Variants in PM20D2 observed in about 807,000 individuals in gnomAD.
PM20D2 encodes xaa-Arg dipeptidase.
Under a neutral mutation model 42.9 loss-of-function variants are expected in PM20D2, and 33 were observed. The observed-to-expected ratio is 0.77, with a 90% CI of 0.58 to 1.03. PM20D2 has a LOEUF of 1.03. PM20D2 is among the 50% of genes least tolerant of loss of function. PM20D2 has a pLI of 0.00. For synonymous variants in PM20D2, 250 were observed against 228.2 expected, an observed-to-expected ratio of 1.10 and a Z score of -0.86; for missense variants, 548 against 557.0, an observed-to-expected ratio of 0.98 and a Z score of 0.16.
rs1442563147 is a variant in PM20D2 at position 89,162,145 on chromosome 6, C to A, written c.1193C>A (p.Ala398Asp). The A allele has an allele frequency of 1.2e-6, 2 of 1,614,090 alleles. No homozygotes were observed. The highest frequency in any genetic ancestry group is 2.2e-5 in the South Asian group (2 of 91,076). The change falls in exon 7 of 7, where the codon GCC becomes GAC. Residue 398 changes from alanine to aspartate, a missense_variant. Ala to Asp is a moderately radical substitution (Grantham distance 126). Around this residue, in one of 3 missense-constraint regions of PM20D2, gnomAD observed 71 missense variants for 69.7 expected, o/e 1.02. Coordinates refer to ENST00000275072, the MANE Select transcript of PM20D2 (RefSeq NM_001010853.3). Reference sequence around the variant, plus strand: ...GCTCAGTTCTACACTCTGCGGACGGCCAAAGCTCTGGCAATGACGGCACTG... The same window carrying A: ...GCTCAGTTCTACACTCTGCGGACGGACAAAGCTCTGGCAATGACGGCACTG... ...QEAQFYTLRT[A>D]KALAMTALDV...
At chr6:89,149,466 A>T in intron 2 of PM20D2, 53 bp downstream of exon 2, 1 of 1,574,856 alleles carries the variant, frequency 6.3e-7, no homozygotes. Flanking sequence ...GCTATAGAAT[A>T]CTTTTATGTC....
chr6:89,106,866 T>C, the PM20D2 span: 10,925 of 432,858 alleles, frequency 0.025, 168 homozygotes, highest in Non-Finnish European at 0.035. Flanking sequence ...ACTTCCCCTC[T>C]TCCAGGTCTT....
chr6:89,115,647 T>A, the PM20D2 span, among the ~76,000 whole-genome samples: 5 of 129,032 alleles, frequency 3.9e-5, no homozygotes, highest in East Asian at 4.8e-4. Context: ...TTTTTTTTTT[T>A]TTTTTTGAGA....
the PM20D2 span, among the ~76,000 whole-genome samples, chr6:89,126,756 C>T: frequency 6.6e-6 from 1 of 151,982 alleles, no homozygotes; most frequent in African/African-American, 2.4e-5. Context: ...TTTGGCACCC[C>T]TTATGGCCCA....
chr6:89,122,903 T>C, the PM20D2 span, among the ~76,000 whole-genome samples: 1 of 152,250 alleles, frequency 6.6e-6, no homozygotes, highest in Non-Finnish European at 1.5e-5. Context: ...ATTTTTCTAT[T>C]ACCTATGTAC....
intron 4 of PM20D2, among the ~76,000 whole-genome samples, chr6:89,155,446 C>T (rs1034809194): frequency 6.6e-5 from 10 of 151,576 alleles, no homozygotes; most frequent in Admixed American, 3.3e-4. Flanking sequence ...CACCACCACA[C>T]GTGGCTAATT....
chr6:89,107,272 G>T, the PM20D2 span: 1 of 1,598,076 alleles, frequency 6.3e-7, no homozygotes, highest in South Asian at 1.1e-5. Context: ...AAGTGTTTTA[G>T]AAATAAGGCA....
chr6:89,128,108 G>A, the PM20D2 span, among the ~76,000 whole-genome samples: 1 of 152,188 alleles, frequency 6.6e-6, no homozygotes, highest in African/African-American at 2.4e-5. Flanking sequence ...CATAAGGTCT[G>A]ACTGCCTGCT....
At chr6:89,149,674 T>C (rs1471534436) in intron 2 of PM20D2, among the ~76,000 whole-genome samples, 1 of 152,252 alleles carries the variant, frequency 6.6e-6, no homozygotes, top group Non-Finnish European at 1.5e-5. Flanking sequence ...TTAAGTTCTC[T>C]TTTGAACTGT....
chr6:89,125,252 G>A, the PM20D2 span, among the ~76,000 whole-genome samples: 1 of 152,072 alleles, frequency 6.6e-6, no homozygotes, highest in Non-Finnish European at 1.5e-5. Flanking sequence ...AGGCCGAGGT[G>A]GGCGGATCAC....
the PM20D2 span, among the ~76,000 whole-genome samples, chr6:89,125,218 C>T: frequency 3.3e-5 from 5 of 152,190 alleles, no homozygotes; most frequent in South Asian, 2.1e-4. Flanking sequence ...CGGTAGCTCA[C>T]GCCTGTAATC....
At chr6:89,148,001 T>TTTA (rs1770665229) in intron 1 of PM20D2, among the ~76,000 whole-genome samples, 1 of 62,392 alleles carries the variant, frequency 1.6e-5, no homozygotes, top group Non-Finnish European at 3.0e-5. Flanking sequence ...TTTTTTTTTT[T>TTTA]GAGACAGTCT....
At chr6:89,133,231 AAAAAT>A in the PM20D2 span, among the ~76,000 whole-genome samples, 22 of 151,062 alleles carry the variant, frequency 1.5e-4, no homozygotes, top group Middle Eastern at 3.4e-3. Flanking sequence ...CCTGTCTCTA[AAAAAT>A]AAAATAAAAT....
chr6:89,129,570 C>G, the PM20D2 span, among the ~76,000 whole-genome samples: 66 of 150,882 alleles, frequency 4.4e-4, no homozygotes, highest in Admixed American at 1.3e-3. Context: ...CAAGACACCC[C>G]TCTTCTCTCT....
chr6:89,102,213 G>A, the PM20D2 span, among the ~76,000 whole-genome samples: 1 of 152,024 alleles, frequency 6.6e-6, no homozygotes, highest in Non-Finnish European at 1.5e-5. Context: ...GGGCGAGCTT[G>A]GCTCACTGCA....
intron 2 of PM20D2, among the ~76,000 whole-genome samples, chr6:89,151,230 A>ATTT (rs2127776530): frequency 6.9e-6 from 1 of 145,258 alleles, no homozygotes; most frequent in South Asian, 2.1e-4. Flanking sequence ...TTTTCTTAAA[A>ATTT]ATTCTTTTTT....
At chr6:89,108,508 C>G in the PM20D2 span, among the ~76,000 whole-genome samples, 11 of 152,228 alleles carry the variant, frequency 7.2e-5, no homozygotes, top group African/African-American at 2.7e-4. Flanking sequence ...ATCTTAACCA[C>G]TACACCCTAC....
the PM20D2 span, among the ~76,000 whole-genome samples, chr6:89,102,476 G>A: frequency 1.3e-5 from 2 of 152,066 alleles, no homozygotes; most frequent in South Asian, 4.2e-4. Flanking sequence ...ATACATTGAT[G>A]TAGAATATAT....
chr6:89,140,986 T>G, the PM20D2 span, among the ~76,000 whole-genome samples: 41 of 152,250 alleles, frequency 2.7e-4, no homozygotes, highest in Non-Finnish European at 5.1e-4. Flanking sequence ...CAGCTTACAT[T>G]TTTCCCTTTC....
Sources: gnomAD v4.1 joint callset for allele counts (sites outside exome capture counted in the v4.1 genomes callset) on GRCh38, gnomAD v4.1.1 for gene constraint, gnomAD v4.1.1 regional missense constraint, MANE v1.5 for transcripts, NCBI Gene and HGNC (gene_info 2026-07-23, HGNC 2026-07-21) for gene names.